SNTB1: variants seen among roughly 807,000 people sequenced by gnomAD.
SNTB1 encodes beta-1-syntrophin.
In SNTB1, 36 loss-of-function variants were observed where a neutral mutation model predicts 48.9. The observed-to-expected ratio is 0.74, with a 90% CI of 0.56 to 0.97. SNTB1 has a LOEUF of 0.97. SNTB1 is among the 50% of genes least tolerant of loss of function. SNTB1 has a pLI of 0.00. For synonymous variants in SNTB1, 299 were observed against 294.6 expected (o/e 1.01, Z -0.15); for missense variants, 786 against 703.4 (o/e 1.12, Z -1.33).
intron 1 of SNTB1, among the ~76,000 whole-genome samples, chr8:120,743,711 G>A (rs985408161): frequency 2.2e-4 from 34 of 152,166 alleles, no homozygotes; most frequent in African/African-American, 7.7e-4. Flanking sequence ...TCATTACAAC[G>A]TTGGCAGGTG....
At chr8:120,705,757 T>C (rs958129073) in intron 1 of SNTB1, among the ~76,000 whole-genome samples, 1 of 152,240 alleles carries the variant, frequency 6.6e-6, no homozygotes, top group African/African-American at 2.4e-5. Context: ...AAGCATAAAA[T>C]TGTGCTGTAC....
Position 120,538,831 on chromosome 8 carries a change from G to A in SNTB1, c.*46C>T. 1 of 1,441,404 alleles carries A rather than the reference G, an allele frequency of 6.9e-7. No individual in the cohort carries two copies. Among genetic ancestry groups the A allele is most frequent in the South Asian group, 1.1e-5 (1 of 87,510 alleles). 89.3% of individuals were successfully genotyped at this position (1,441,404 alleles called of 1,614,324 possible). ...ATGGTGTCTGACATCACGTTCTCTG[G>A]TGGCATTGCAGCCCTTCTTTTCTCA... On this transcript the variant is annotated 3_prime_UTR_variant, in exon 7 of 7. Transcript: ENST00000517992.
At chr8:120,628,554 C>T (rs1816923570) in intron 3 of SNTB1, among the ~76,000 whole-genome samples, 2 of 152,042 alleles carry the variant, frequency 1.3e-5, no homozygotes, top group South Asian at 2.1e-4. Context: ...GTCAGGAGTT[C>T]GAGACCATCC....
intron 1 of SNTB1, among the ~76,000 whole-genome samples, chr8:120,767,559 AC>A (rs1272593256): frequency 1.3e-5 from 2 of 152,246 alleles, no homozygotes; most frequent in East Asian, 3.8e-4. Context: ...GCTGTTTAGA[AC>A]ATAGGCTCTA....
chr8:120,700,768 T>C (rs891561321), intron 1 of SNTB1, among the ~76,000 whole-genome samples: 1 of 152,176 alleles, frequency 6.6e-6, no homozygotes, highest in Non-Finnish European at 1.5e-5. Context: ...AGATGACATT[T>C]GAAAGAAAAA....
chr8:120,691,024 C>T (rs566738754), intron 2 of SNTB1, among the ~76,000 whole-genome samples: 6 of 150,224 alleles, frequency 4.0e-5, no homozygotes, highest in East Asian at 1.9e-4. Flanking sequence ...TATGTATAAT[C>T]GTCAATGGTG....
At chr8:120,736,495 C>T (rs536999141) in intron 1 of SNTB1, among the ~76,000 whole-genome samples, 41 of 152,246 alleles carry the variant, frequency 2.7e-4, no homozygotes, top group African/African-American at 9.4e-4. Flanking sequence ...TGCTTACTGC[C>T]GAATTCTATC....
intron 4 of SNTB1, among the ~76,000 whole-genome samples, chr8:120,554,585 C>T (rs1308879557): frequency 1.8e-4 from 27 of 152,138 alleles, no homozygotes; most frequent in Admixed American, 1.8e-3. Flanking sequence ...GTCACTGAGT[C>T]ACCAAAAATT....
At chr8:120,742,308 C>A (rs1819054341) in intron 1 of SNTB1, among the ~76,000 whole-genome samples, 1 of 152,102 alleles carries the variant, frequency 6.6e-6, no homozygotes, top group African/African-American at 2.4e-5. Context: ...TCCATTGATT[C>A]TAAAAGCAAT....
In SNTB1 at chr8:120,771,198, GT is replaced by G. The variant is rs980043936; in HGVS notation, c.571+40074del. Among the ~76,000 whole-genome samples, 5 of 152,306 alleles carry G rather than the reference GT, an allele frequency of 3.3e-5. No homozygotes were observed. In the East Asian group the frequency reaches 9.6e-4, roughly 29 times the overall value. On this transcript the variant is annotated intron_variant, in intron 1 of 6. Transcript: ENST00000517992. ...TCTGTCCCAGAGGGAGGTGAACAAG[GT>G]TTTGGGAAAAGAGAAAGGTCCAGGT...
chr8:120,700,156 C>CGTGTGT (rs58077307), intron 1 of SNTB1, among the ~76,000 whole-genome samples: 1,997 of 149,244 alleles, frequency 0.013, 39 homozygotes, highest in African/African-American at 0.045. Flanking sequence ...AAAAAAATTG[C>CGTGTGT]GTGTGTGTGT....
intron 1 of SNTB1, among the ~76,000 whole-genome samples, chr8:120,787,741 C>A (rs1819947649): frequency 6.6e-6 from 1 of 152,032 alleles, no homozygotes; most frequent in African/African-American, 2.4e-5. Context: ...TGTAAAATGG[C>A]CAAACCTATG....
At chr8:120,743,101 T>C (rs1025669050) in intron 1 of SNTB1, among the ~76,000 whole-genome samples, 2 of 152,212 alleles carry the variant, frequency 1.3e-5, no homozygotes, top group Non-Finnish European at 1.5e-5. Flanking sequence ...GGGACTACCA[T>C]TTCTCTGAAA....
chr8:120,617,503 A>G (rs2130737808), intron 3 of SNTB1, among the ~76,000 whole-genome samples: 1 of 152,356 alleles, frequency 6.6e-6, no homozygotes, highest in South Asian at 2.1e-4. Context: ...CTGGGTGAAG[A>G]CTGAATTGAT....
At chr8:120,797,204 A>G (rs1016449103) in intron 1 of SNTB1, among the ~76,000 whole-genome samples, 2 of 152,072 alleles carry the variant, frequency 1.3e-5, no homozygotes, top group Non-Finnish European at 2.9e-5. Flanking sequence ...GTCATTTCAT[A>G]TCTGAGGCAA....
At chr8:120,698,576 G>A (rs1460296698) in intron 1 of SNTB1, among the ~76,000 whole-genome samples, 1 of 152,038 alleles carries the variant, frequency 6.6e-6, no homozygotes, top group African/African-American at 2.4e-5. Flanking sequence ...GATTGCCATT[G>A]GATTTCTTCA....
intron 3 of SNTB1, among the ~76,000 whole-genome samples, chr8:120,581,196 C>G (rs1816044460): frequency 6.6e-6 from 1 of 151,802 alleles, no homozygotes; most frequent in South Asian, 2.1e-4. Context: ...AGAAAAAAGG[C>G]CAGAAAAAGA....
intron 3 of SNTB1, among the ~76,000 whole-genome samples, chr8:120,616,475 A>G (rs1185548945): frequency 2.7e-5 from 3 of 110,020 alleles, no homozygotes; most frequent in African/African-American, 5.1e-5. Flanking sequence ...TAACTAAAAA[A>G]AGTTTTTTTT....
chr8:120,717,944 G>A (rs1221008020), intron 1 of SNTB1, among the ~76,000 whole-genome samples: 4 of 152,174 alleles, frequency 2.6e-5, no homozygotes, highest in Admixed American at 6.5e-5. Context: ...GATGTGTCTC[G>A]TCCATCAGCC....
Sources: gnomAD v4.1 joint callset for allele counts (sites outside exome capture counted in the v4.1 genomes callset) on GRCh38, gnomAD v4.1.1 for gene constraint, MANE v1.5 for transcripts, NCBI Gene and HGNC (gene_info 2026-07-23, HGNC 2026-07-21) for gene names.